KCNC2: variants seen among roughly 807,000 people sequenced by gnomAD.
The protein encoded by KCNC2 is potassium voltage-gated channel subfamily C member 2, also known as voltage-gated potassium channel KCNC2.
KCNC2 carries 21 observed loss-of-function variants against 44.5 expected under a neutral mutation model. The observed-to-expected ratio is 0.47, with a 90% confidence interval of 0.33 to 0.68. The LOEUF is 0.68. Ranked by LOEUF, KCNC2 falls within the 30% of genes least tolerant of loss-of-function variation. The pLI, the probability that KCNC2 is intolerant of heterozygous loss-of-function variation, is 0.01. For missense variants in KCNC2, 589 were observed against 826.2 expected (o/e 0.71, Z 3.52); for synonymous variants, 391 against 339.1 (o/e 1.15, Z -1.68).
intron 2 of KCNC2, among the ~76,000 whole-genome samples, chr12:75,173,026 C>A (rs1164852072): frequency 1.3e-5 from 2 of 151,874 alleles, no homozygotes; most frequent in Middle Eastern, 3.2e-3. Flanking sequence ...TGATCAAACT[C>A]AAATACTCTA....
chr12:75,206,926 G>T (rs1440832742), intron 2 of KCNC2, among the ~76,000 whole-genome samples: 2 of 152,198 alleles, frequency 1.3e-5, no homozygotes, highest in African/African-American at 4.8e-5. Flanking sequence ...CCAGAAGAGA[G>T]ATCTGAGCTA....
chr12:75,192,786 G>GA (rs1421767833), intron 2 of KCNC2, among the ~76,000 whole-genome samples: 1 of 152,076 alleles, frequency 6.6e-6, no homozygotes, highest in Admixed American at 6.6e-5. Flanking sequence ...TGTAGGCAAG[G>GA]AAAATCACAG....
chr12:75,207,895 G>C lies in KCNC2; in HGVS notation c.89C>G (p.Pro30Arg). 6.2e-7 allele frequency: 1 copy of C among 1,612,870 alleles called. No homozygotes were observed. Among genetic ancestry groups the C allele is most frequent in the Non-Finnish European group, 8.5e-7 (1 of 1,179,924 alleles). The change falls in exon 2 of 5, where the codon CCT becomes CGT. Residue 30 changes from proline (P) to arginine (R), a missense_variant. By Grantham distance (103) the Pro-to-Arg change is moderately radical. Coordinates refer to ENST00000549446, the MANE Select transcript of KCNC2 (RefSeq NM_139137.4). This position sits in a 1 kb window ranked among gnomAD's most constrained non-coding sequence, Gnocchi z 4.1. ...GGCAAGAAGGGCCAGGCGTGTTCCA[G>C]GCAGGGTCTTGAGGGTGCTGCGGTA... ...ETYRSTLKTL[P>R]GTRLALLASS...
intron 2 of KCNC2, among the ~76,000 whole-genome samples, chr12:75,190,682 C>G (rs1480386503): frequency 2.0e-5 from 3 of 152,070 alleles, no homozygotes; most frequent in Non-Finnish European, 4.4e-5. Context: ...ATATTATATT[C>G]AAGCTATTTC....
intron 2 of KCNC2, among the ~76,000 whole-genome samples, chr12:75,165,617 T>C (rs1273898347): frequency 6.6e-6 from 1 of 151,468 alleles, no homozygotes; most frequent in East Asian, 1.9e-4. Context: ...CTTCTAAATA[T>C]GGAGAACAAT....
intron 2 of KCNC2, among the ~76,000 whole-genome samples, chr12:75,202,018 A>G (rs74447786): frequency 6.6e-6 from 1 of 152,036 alleles, no homozygotes; most frequent in East Asian, 1.9e-4. Context: ...CATTTACTTT[A>G]TTTGTCATAG....
chr12:75,114,407 A>T (rs1191644536), intron 2 of KCNC2, among the ~76,000 whole-genome samples: 2 of 152,192 alleles, frequency 1.3e-5, no homozygotes, highest in Non-Finnish European at 2.9e-5. Context: ...TACTTGACAA[A>T]TATATATGTA....
At chr12:75,192,239 C>T (rs1246227467) in intron 2 of KCNC2, among the ~76,000 whole-genome samples, 1 of 152,214 alleles carries the variant, frequency 6.6e-6, no homozygotes, top group Non-Finnish European at 1.5e-5. Context: ...GCTGCCGCAA[C>T]ATCCATTCTT....
intron 2 of KCNC2, among the ~76,000 whole-genome samples, chr12:75,073,761 A>G (rs1883645466): frequency 1.3e-5 from 2 of 152,176 alleles, no homozygotes; most frequent in Admixed American, 1.3e-4. Context: ...TCTACAGATC[A>G]CATAAATTTA....
At chr12:75,194,707 T>A (rs2030605129) in intron 2 of KCNC2, among the ~76,000 whole-genome samples, 1 of 152,166 alleles carries the variant, frequency 6.6e-6, no homozygotes, top group Non-Finnish European at 1.5e-5. Context: ...GCAAAAACTG[T>A]GGTTTGAACA....
At chr12:75,191,540 TTTTTTTTTTTTTTTTTTTTTG>T (rs1283087161) in intron 2 of KCNC2, among the ~76,000 whole-genome samples, 3 of 44,366 alleles carry the variant, frequency 6.8e-5, no homozygotes, top group Admixed American at 5.6e-4. Context: ...TTTTTTTTTT[TTTTTTTTTTTTTTTTTTTTTG>T]GAGACGGAGT....
In KCNC2 at chr12:75,207,984, C is replaced by G. The variant is rs2031848974; in HGVS notation, c.-1G>C. ...TCTCGTTGTTCTCGATCTTGCCCATCTCTGTGACTCAGACATGACTAGGGG... is the reference window on the plus strand; with the variant it reads ...TCTCGTTGTTCTCGATCTTGCCCATGTCTGTGACTCAGACATGACTAGGGG... On this transcript the variant is annotated 5_prime_UTR_variant, in exon 2 of 5. Coordinates refer to ENST00000549446, the MANE Select transcript of KCNC2 (RefSeq NM_139137.4). This position sits in a 1 kb window ranked among gnomAD's most constrained non-coding sequence, Gnocchi z 4.1. 3 of 1,612,124 alleles carry G rather than the reference C, an allele frequency of 1.9e-6. No individual in the cohort carries two copies. In the Admixed American group the frequency reaches 5.0e-5, roughly 27 times the overall value.
In KCNC2 at chr12:75,207,671, CGAA is replaced by C. The variant is rs2031804181; in HGVS notation, c.310_312del (p.Phe104del). On this transcript the variant is annotated inframe_deletion, in exon 2 of 5. Transcript: ENST00000549446. This position sits in a 1 kb window ranked among gnomAD's most constrained non-coding sequence, Gnocchi z 4.1. ...TAGGCGAAGACGCCCGGGTGCCGGT[CGAA>C]GAAGAACTCGCGGCCGCCACCGGGA... 1 of 1,609,348 alleles carries C rather than the reference CGAA, an allele frequency of 6.2e-7. No individual in the cohort carries two copies. The highest frequency in any genetic ancestry group is 1.3e-5 in the African/African-American group (1 of 74,796).
rs113053777 is a variant in KCNC2, at chr12:75,148,608, G to T, written c.687+58689C>A. On this transcript the variant is annotated intron_variant, in intron 2 of 4. Transcript: ENST00000549446. ...TTTGAAAGATTAAAAGAAGATATAT[G>T]CTGTGTATTTCATGTTATATTTTTT... Among the ~76,000 whole-genome samples the T allele has an allele frequency of 4.5e-3, 681 of 152,062 alleles. 3 individuals are homozygous for T. The highest frequency in any genetic ancestry group is 0.015 in the African/African-American group (626 of 41,530).
At chr12:75,086,673 AAAAAAAAAATAT>A (rs1415446222) in intron 2 of KCNC2, among the ~76,000 whole-genome samples, 10 of 62,036 alleles carry the variant, frequency 1.6e-4, no homozygotes, top group African/African-American at 9.2e-4. Context: ...AAAAAAAAAA[AAAAAAAAAATAT>A]ATATATATAT....
intron 2 of KCNC2, among the ~76,000 whole-genome samples, chr12:75,131,357 T>C (rs894268024): frequency 2.0e-5 from 3 of 152,166 alleles, no homozygotes; most frequent in African/African-American, 7.2e-5. Flanking sequence ...TTTTAAAAAA[T>C]TGTTGGATGA....
chr12:75,067,334 C>T (rs561934638), intron 2 of KCNC2, among the ~76,000 whole-genome samples: 1 of 152,266 alleles, frequency 6.6e-6, no homozygotes, highest in South Asian at 2.1e-4. Context: ...TGCAGTTCTT[C>T]CTAAAATTTT....
At chr12:75,048,401 G>A in intron 3 of KCNC2, 84 bp from the exon 4 acceptor site, 1 of 1,111,300 alleles carries the variant, frequency 9.0e-7, no homozygotes, top group Non-Finnish European at 1.3e-6. Context: ...AATGCCGGTA[G>A]TCCAGTCACT....
chr12:75,041,563 A>C lies in KCNC2; in HGVS notation c.*1542T>G. ...TATTACGGTCTTTTTCTTCCCTCAC[A>C]TGCTCAATACATGAGACACGCTATT... On this transcript the variant is annotated 3_prime_UTR_variant, in exon 5 of 5. Coordinates refer to ENST00000549446, the MANE Select transcript of KCNC2 (RefSeq NM_139137.4). 1 of 1,108,416 alleles carries C rather than the reference A, an allele frequency of 9.0e-7. No individual in the cohort carries two copies. The highest frequency in any genetic ancestry group is 4.3e-4 in the Middle Eastern group (1 of 2,344). 68.7% of individuals were successfully genotyped at this position (1,108,416 alleles called of 1,614,324 possible). A position where few individuals can be genotyped will look rare whatever the true frequency, so the allele number is the denominator to read the frequency against.
Sources: gnomAD v4.1 joint callset for allele counts (sites outside exome capture counted in the v4.1 genomes callset) on GRCh38, gnomAD v4.1.1 for gene constraint, Gnocchi (gnomAD v3.1) non-coding constraint, MANE v1.5 for transcripts, NCBI Gene and HGNC (gene_info 2026-07-23, HGNC 2026-07-21) for gene names.